The following SGK1 variants were observed in gnomAD, a reference collection of about 807,000 sequenced individuals.
SGK1 encodes the protein serum/glucocorticoid regulated kinase 1, also known as serine/threonine-protein kinase Sgk1.
SGK1 carries 26 observed loss-of-function variants against 64.2 expected under a neutral mutation model. The ratio of observed to expected loss-of-function variants is 0.40; its 90% CI spans 0.30 to 0.56. The LOEUF (loss-of-function observed/expected upper bound fraction) is 0.56, where lower values mean the gene tolerates loss of function less well. SGK1 is among the 20% of genes least tolerant of loss of function. The probability of loss-of-function intolerance (pLI) is 0.38; values close to 1 mark genes in which losing one functional copy is unlikely to be tolerated. For missense variants in SGK1, 519 were observed against 645.6 expected (o/e 0.80, Z 2.12); for synonymous variants, 265 against 239.7 (o/e 1.11, Z -0.98).
At chr6:134,202,412 G>A (rs1775700691) in intron 3 of SGK1, among the ~76,000 whole-genome samples, 1 of 152,212 alleles carries the variant, frequency 6.6e-6, no homozygotes, top group Non-Finnish European at 1.5e-5. Flanking sequence ...GGGAGGCTGA[G>A]GTGAGTGGAT....
chr6:134,198,558 A>G (rs1207152061), intron 3 of SGK1, among the ~76,000 whole-genome samples: 2 of 151,990 alleles, frequency 1.3e-5, no homozygotes, highest in Non-Finnish European at 2.9e-5. Flanking sequence ...TAATCCAATG[A>G]TATCATTTTA....
intron 3 of SGK1, among the ~76,000 whole-genome samples, chr6:134,206,383 ATTTTT>A (rs869072819): frequency 2.2e-3 from 36 of 16,602 alleles, no homozygotes; most frequent in East Asian, 8.0e-3. Context: ...ATATATATAT[ATTTTT>A]TTTTTTTTTT....
At chr6:134,289,392 AG>A (rs1421671231) in intron 1 of SGK1, among the ~76,000 whole-genome samples, 5 of 152,250 alleles carry the variant, frequency 3.3e-5, no homozygotes, top group Non-Finnish European at 7.3e-5. Context: ...TTTACTACTC[AG>A]GAAGTGTATA....
In SGK1 at chr6:134,174,963, G is replaced by C. The variant is rs552717189; in HGVS notation, c.362-377C>G. 13 of 1,363,886 alleles carry C rather than the reference G, an allele frequency of 9.5e-6. No homozygotes were observed. The South Asian group carries it at 1.9e-4, about 20-fold the overall frequency. The allele number at this position is 1,363,886 out of a possible 1,614,324, so 84.5% of individuals were successfully genotyped here. A position where few individuals can be genotyped will look rare whatever the true frequency, so the allele number is the denominator to read the frequency against. On this transcript the variant is annotated intron_variant, in intron 3 of 13. Coordinates refer to ENST00000367858, the MANE Select transcript of SGK1 (RefSeq NM_001143676.3). Reference sequence around the variant, plus strand: ...GGCCCCGCCCTTCGCCTCGCCCCTCGCCCCGCCCCGGCCGCCTCGCGGTTT... The same window carrying C: ...GGCCCCGCCCTTCGCCTCGCCCCTCCCCCCGCCCCGGCCGCCTCGCGGTTT...
intron 2 of SGK1, among the ~76,000 whole-genome samples, chr6:134,253,681 G>T (rs1582744039): frequency 6.6e-6 from 1 of 152,068 alleles, no homozygotes; most frequent in Non-Finnish European, 1.5e-5. Context: ...TTTCTACAGT[G>T]CCCCTCTATT....
intron 2 of SGK1, among the ~76,000 whole-genome samples, chr6:134,258,248 A>C (rs1743944): frequency 0.77 from 117,441 of 151,646 alleles, 45,668 homozygotes; most frequent in South Asian, 0.82. Flanking sequence ...GGAACACAGG[A>C]ATCCACCACC....
chr6:134,230,884 C>T (rs7770989), intron 2 of SGK1, among the ~76,000 whole-genome samples: 4 of 152,012 alleles, frequency 2.6e-5, no homozygotes, highest in Admixed American at 2.0e-4. Flanking sequence ...CGTGGTGGCA[C>T]GTGCCTGTAA....
At chr6:134,310,820 T>C (rs1404417103) in intron 1 of SGK1, among the ~76,000 whole-genome samples, 2 of 152,206 alleles carry the variant, frequency 1.3e-5, no homozygotes, top group Admixed American at 1.3e-4. Flanking sequence ...ACTCCTGACC[T>C]CAGGTGATCT....
At chr6:134,183,354 A>C (rs1373891304) in intron 3 of SGK1, among the ~76,000 whole-genome samples, 1 of 152,202 alleles carries the variant, frequency 6.6e-6, no homozygotes, top group Non-Finnish European at 1.5e-5. Flanking sequence ...ACAATAACTT[A>C]TTGTTAACTC....
chr6:134,187,982 G>A (rs995587637), intron 3 of SGK1, among the ~76,000 whole-genome samples: 4 of 152,234 alleles, frequency 2.6e-5, no homozygotes, highest in African/African-American at 9.6e-5. Context: ...GCACTCAGCA[G>A]TGGCTGTAGC....
At chr6:134,185,991 T>C (rs963136143) in intron 3 of SGK1, among the ~76,000 whole-genome samples, 1 of 151,822 alleles carries the variant, frequency 6.6e-6, no homozygotes, top group Non-Finnish European at 1.5e-5. Context: ...TGGGGGCGGG[T>C]CTTTTCTACT....
chr6:134,183,859 A>ACCCCCC (rs1582695287), intron 3 of SGK1, among the ~76,000 whole-genome samples: 2 of 37,078 alleles, frequency 5.4e-5, no homozygotes, highest in Non-Finnish European at 1.2e-4. Flanking sequence ...CCCCACCCCC[A>ACCCCCC]CCCCCCACCC....
At chr6:134,234,859 A>G (rs1031037118) in intron 2 of SGK1, among the ~76,000 whole-genome samples, 1 of 152,216 alleles carries the variant, frequency 6.6e-6, no homozygotes, top group African/African-American at 2.4e-5. Context: ...CTGGGCAACA[A>G]GAGTGAAACT....
intron 1 of SGK1, among the ~76,000 whole-genome samples, chr6:134,309,803 C>T (rs1404218860): frequency 6.6e-6 from 1 of 152,094 alleles, no homozygotes; most frequent in Non-Finnish European, 1.5e-5. Flanking sequence ...AACAGCATCC[C>T]ACTCATAAGT....
rs758675767 is a variant in SGK1, at chr6:134,172,317, C to CTG, written c.948-3_948-2dup. The CTG allele has an allele frequency of 3.1e-6, 5 of 1,608,790 alleles. No homozygotes were observed. Among genetic ancestry groups the CTG allele is most frequent in the Non-Finnish European group, 4.2e-6 (5 of 1,178,328 alleles). On this transcript the variant is annotated splice_acceptor_variant, in intron 9 of 13. Coordinates refer to ENST00000367858, the MANE Select transcript of SGK1 (RefSeq NM_001143676.3). LOFTEE classifies it high-confidence loss of function. ...CAAAATATTCTCTGGTTTTAAGTCT[C>CTG]TGTAAAAAAGTGAATAGAAAAGTAG...
intron 1 of SGK1, among the ~76,000 whole-genome samples, chr6:134,310,255 A>G (rs1222088536): frequency 6.6e-6 from 1 of 152,202 alleles, no homozygotes; most frequent in Non-Finnish European, 1.5e-5. Flanking sequence ...TACACTTTCC[A>G]TTCAAAATCC....
chr6:134,285,525 A>T (rs1019730620), intron 1 of SGK1, among the ~76,000 whole-genome samples: 16 of 147,088 alleles, frequency 1.1e-4, no homozygotes, highest in Non-Finnish European at 1.9e-4. Context: ...CATCCGCACC[A>T]GCATCAATTT....
intron 3 of SGK1, among the ~76,000 whole-genome samples, chr6:134,206,352 TA>T (rs1562250167): frequency 7.9e-4 from 8 of 10,152 alleles, no homozygotes; most frequent in South Asian, 4.6e-3. Context: ...TATATATATA[TA>T]TATATATATA....
intron 2 of SGK1, among the ~76,000 whole-genome samples, chr6:134,208,539 C>T (rs114941270): frequency 0.012 from 1,785 of 152,152 alleles, 41 homozygotes; most frequent in African/African-American, 0.041. Flanking sequence ...CACTGTCACC[C>T]TTCCCCTTGA....
Sources: gnomAD v4.1 joint callset for allele counts (sites outside exome capture counted in the v4.1 genomes callset) on GRCh38, gnomAD v4.1.1 for gene constraint, MANE v1.5 for transcripts, NCBI Gene and HGNC (gene_info 2026-07-23, HGNC 2026-07-21) for gene names.